The following TRAPPC9 variants were observed in gnomAD, a reference collection of about 807,000 sequenced individuals.
The protein encoded by TRAPPC9 is trafficking protein particle complex subunit 9.
Under a neutral mutation model 124.0 loss-of-function variants are expected in TRAPPC9, and 83 were observed. The observed-to-expected ratio is 0.67, with a 90% CI of 0.56 to 0.80. TRAPPC9 has a LOEUF of 0.80. Ranked by LOEUF, TRAPPC9 falls within the 30% of genes least tolerant of loss-of-function variation. The pLI, the probability that TRAPPC9 is intolerant of heterozygous loss-of-function variation, is 0.00. For missense variants in TRAPPC9, 1,302 were observed against 1,508.3 expected (o/e 0.86, Z 2.27); for synonymous variants, 638 against 617.5 (o/e 1.03, Z -0.49).
At chr8:140,094,956 A>G (rs1216585416) in intron 17 of TRAPPC9, 1 of 152,224 alleles carries the variant, frequency 6.6e-6, no homozygotes, top group African/African-American at 2.4e-5. Context: ...ATGGCTGTTG[A>G]TTACCAGAGT....
At chr8:140,297,349 G>C (rs10091594) in intron 11 of TRAPPC9, among the ~76,000 whole-genome samples, 8 of 151,656 alleles carry the variant, frequency 5.3e-5, no homozygotes, top group Middle Eastern at 3.4e-3. Context: ...CACATGCATA[G>C]ACACACACAC....
At chr8:139,965,966 G>T (rs1193255837) in intron 19 of TRAPPC9, among the ~76,000 whole-genome samples, 1 of 152,232 alleles carries the variant, frequency 6.6e-6, no homozygotes, top group African/African-American at 2.4e-5. Flanking sequence ...ACAGCACCAG[G>T]CCTGTCTGCG....
At chr8:140,164,955 TG>T (rs2061809321) in intron 17 of TRAPPC9, among the ~76,000 whole-genome samples, 2 of 152,330 alleles carry the variant, frequency 1.3e-5, no homozygotes, top group South Asian at 4.1e-4. Context: ...GCTGGGATGA[TG>T]GGGCCACAAT....
intron 16 of TRAPPC9, among the ~76,000 whole-genome samples, chr8:140,235,361 C>T (rs1035678461): frequency 1.3e-5 from 2 of 152,118 alleles, no homozygotes; most frequent in Non-Finnish European, 2.9e-5. Context: ...AGTAAAAAGC[C>T]TAGCCACAGA....
chr8:139,868,320 C>A (rs1006616159), intron 21 of TRAPPC9, among the ~76,000 whole-genome samples: 1 of 152,188 alleles, frequency 6.6e-6, no homozygotes, highest in Non-Finnish European at 1.5e-5. Context: ...TGCGCCACTG[C>A]ACTCCAGCCT....
At chr8:139,924,616 A>C (rs1269304855) in intron 19 of TRAPPC9, among the ~76,000 whole-genome samples, 1 of 152,184 alleles carries the variant, frequency 6.6e-6, no homozygotes, top group East Asian at 1.9e-4. Flanking sequence ...CTGGTTCTTC[A>C]GGGATAAGCT....
intron 16 of TRAPPC9, among the ~76,000 whole-genome samples, chr8:140,231,406 G>C (rs896701750): frequency 2.0e-5 from 3 of 149,528 alleles, no homozygotes; most frequent in African/African-American, 4.9e-5. Context: ...AGCAAAAAGA[G>C]AGAAAAGCAG....
rs188842963 is a variant in TRAPPC9, at chr8:139,738,543, A to G, written c.3056-6341T>C. Among the ~76,000 whole-genome samples the G allele has an allele frequency of 4.2e-4, 64 of 152,310 alleles. 2 individuals carry two copies. In the East Asian group the frequency reaches 0.012, roughly 29 times the overall value. ...GGGGCACACTTCGCTGCTGGCTATG[A>G]AGACGGGGGAAGGCGCACAGGGTGC... On this transcript the variant is annotated intron_variant, in intron 21 of 22. Transcript: ENST00000438773.
intron 16 of TRAPPC9, among the ~76,000 whole-genome samples, chr8:140,224,858 A>C (rs1259289152): frequency 8.5e-5 from 13 of 152,116 alleles, no homozygotes; most frequent in Non-Finnish European, 1.5e-5. Flanking sequence ...CTCTGTCCTG[A>C]GACCCGTGCC....
intron 9 of TRAPPC9, among the ~76,000 whole-genome samples, chr8:140,315,448 G>A (rs1189429482): frequency 6.6e-6 from 1 of 151,880 alleles, no homozygotes; most frequent in African/African-American, 2.4e-5. Flanking sequence ...GCTTATGAAA[G>A]TTATATCTTG....
In TRAPPC9 at chr8:140,283,999, A is replaced by G; in HGVS notation, c.2004T>C (p.Gly668=). The G allele has an allele frequency of 6.2e-7, 1 of 1,614,056 alleles. No individual in the cohort carries two copies. The highest frequency in any genetic ancestry group is 8.5e-7 in the Non-Finnish European group (1 of 1,179,986). The part of the protein sequence containing the change: ...TVNGYHTTVF[G]VFSDCLLDNL... The stretch of plus-strand genomic sequence containing the variant: ...TATCCAGCAAACAGTCACTGAACAC[A>G]CCGAAGACCGTGGTATGGTAACCTG... Residue 668 remains glycine, a synonymous_variant, in exon 14 of 23, where the codon GGT becomes GGC. Coordinates refer to ENST00000438773, the MANE Select transcript of TRAPPC9 (RefSeq NM_001160372.4).
rs553316611 is a variant in TRAPPC9, at chr8:140,299,339, G to A, written c.1768+1130C>T. 1.2e-4 allele frequency among the ~76,000 whole-genome samples: 19 copies of A among 152,344 alleles called. No homozygotes were observed. In the East Asian group the frequency reaches 3.1e-3, roughly 25 times the overall value. ...AGGGAGCGCCTGCAGTCCGTAACTC[G>A]GGGTGTGGGTGAGCTTGCGAGTGCA... On this transcript the variant is annotated intron_variant, in intron 11 of 22. Coordinates refer to ENST00000438773, the MANE Select transcript of TRAPPC9 (RefSeq NM_001160372.4).
intron 21 of TRAPPC9, among the ~76,000 whole-genome samples, chr8:139,836,170 G>A (rs927088021): frequency 7.9e-5 from 12 of 152,060 alleles, no homozygotes. Context: ...CGCCACACCT[G>A]GCTAATTTTT....
intron 21 of TRAPPC9, among the ~76,000 whole-genome samples, chr8:139,737,882 A>G (rs1180917066): frequency 1.3e-5 from 2 of 152,196 alleles, no homozygotes; most frequent in African/African-American, 4.8e-5. Flanking sequence ...GAGGATCTGC[A>G]GGAGCAGCGG....
intron 17 of TRAPPC9, among the ~76,000 whole-genome samples, chr8:140,158,691 T>C (rs1266549334): frequency 6.6e-6 from 1 of 152,158 alleles, no homozygotes; most frequent in African/African-American, 2.4e-5. Context: ...ACCTTCCCAT[T>C]CTAGTCCTGC....
intron 19 of TRAPPC9, among the ~76,000 whole-genome samples, chr8:139,953,863 A>G (rs1834816757): frequency 6.6e-6 from 1 of 152,250 alleles, no homozygotes; most frequent in African/African-American, 2.4e-5. Context: ...AGGGAAATTC[A>G]AATTAAAACC....
chr8:140,397,612 A>G lies in TRAPPC9; in HGVS notation c.1134+8T>C, dbSNP rs778628000. 6.2e-7 allele frequency: 1 copy of G among 1,614,002 alleles called. No individual in the cohort carries two copies. Among genetic ancestry groups the G allele is most frequent in the Non-Finnish European group, 8.5e-7 (1 of 1,179,944 alleles). On this transcript the variant is annotated splice_region_variant and intron_variant, in intron 7 of 22. Transcript: ENST00000438773. The stretch of plus-strand genomic sequence containing the variant: ...AACTCTTCCACTTACAGGTAGACAT[A>G]CACTCACCTGTCGAAGGTTAATGTA...
intron 17 of TRAPPC9, among the ~76,000 whole-genome samples, chr8:140,207,253 C>T (rs919443505): frequency 3.9e-5 from 6 of 152,208 alleles, no homozygotes; most frequent in African/African-American, 1.4e-4. Context: ...CATTACAGAT[C>T]TGTTTGAAGC....
At chr8:140,439,938 C>T (rs376250229) in intron 2 of TRAPPC9, among the ~76,000 whole-genome samples, 1 of 152,100 alleles carries the variant, frequency 6.6e-6, no homozygotes, top group Non-Finnish European at 1.5e-5. Context: ...GAATAAAACT[C>T]CTCTGGAAAT....
Sources: allele counts gnomAD v4.1 joint callset (sites outside exome capture counted in the v4.1 genomes callset), GRCh38; gene constraint gnomAD v4.1.1; transcripts MANE v1.5; gene names NCBI Gene and HGNC (gene_info 2026-07-23, HGNC 2026-07-21).